The following TAF2 variants were observed in gnomAD, a reference collection of about 807,000 sequenced individuals.
The protein encoded by TAF2 is transcription initiation factor TFIID subunit 2.
Under a neutral mutation model 138.5 loss-of-function variants are expected in TAF2, and 61 were observed. That is an observed-to-expected ratio of 0.44 (90% CI 0.36 to 0.54). The LOEUF is 0.54. Among genes scored for constraint, TAF2 ranks in the 20% least tolerant of loss-of-function variants. The pLI is 0.00. For synonymous variants in TAF2, 475 were observed against 469.9 expected, an observed-to-expected ratio of 1.01 and a Z score of -0.14; for missense variants, 1,090 against 1,427.9, an observed-to-expected ratio of 0.76 and a Z score of 3.81.
chr8:119,831,934 G>C (rs1011165708), intron 1 of TAF2, among the ~76,000 whole-genome samples: 3 of 152,146 alleles, frequency 2.0e-5, no homozygotes, highest in Non-Finnish European at 4.4e-5. Context: ...GCCACGGCAA[G>C]CGGATCACGA....
chr8:119,752,377 G>A (rs1030616069), intron 22 of TAF2, among the ~76,000 whole-genome samples: 5 of 152,192 alleles, frequency 3.3e-5, no homozygotes, highest in African/African-American at 1.2e-4. Flanking sequence ...TTAAGGCTAA[G>A]TGGAGTTACT....
intron 25 of TAF2, among the ~76,000 whole-genome samples, chr8:119,732,846 AACATAACTCACTCAATT>A (rs756140641): frequency 5.9e-5 from 9 of 152,198 alleles, no homozygotes; most frequent in South Asian, 2.1e-4. Context: ...GGTCAATGAA[AACATAACTCACTCAATT>A]ACATAACTCA....
chr8:119,733,407 G>A (rs946911191), intron 25 of TAF2, among the ~76,000 whole-genome samples: 1 of 152,116 alleles, frequency 6.6e-6, no homozygotes, highest in African/African-American at 2.4e-5. Context: ...AACAGAATTA[G>A]AAGGCCCATA....
intron 6 of TAF2, among the ~76,000 whole-genome samples, chr8:119,801,313 A>G (rs987985668): frequency 6.6e-6 from 1 of 152,220 alleles, no homozygotes; most frequent in Non-Finnish European, 1.5e-5. Context: ...CAACATTTTG[A>G]AAGAAATTCA....
intron 11 of TAF2, 115 bp from the exon 12 acceptor site, chr8:119,789,861 C>T (rs1409308718): frequency 9.8e-7 from 1 of 1,019,848 alleles, no homozygotes. Context: ...AATAATTTCA[C>T]TATTTATTAC....
In TAF2 at chr8:119,804,080, G is replaced by GACAAAGAT. The variant is rs527711622; in HGVS notation, c.419-69_419-62dup. On this transcript the variant is annotated intron_variant, in intron 4 of 25. Coordinates refer to ENST00000378164, the MANE Select transcript of TAF2 (RefSeq NM_003184.4). The stretch of plus-strand genomic sequence containing the variant: ...AAGTTACAGTGGTCTATATAATAAA[G>GACAAAGAT]ACAAAGATTTAATGCTGAACATGAA... 7.8e-3 allele frequency: 12,396 copies of GACAAAGAT among 1,579,708 alleles called. 76 individuals carry two copies. The highest frequency in any genetic ancestry group is 0.025 in the Middle Eastern group (152 of 5,986).
chr8:119,798,502 C>T (rs1434002797), intron 6 of TAF2, among the ~76,000 whole-genome samples: 1 of 152,064 alleles, frequency 6.6e-6, no homozygotes, highest in Non-Finnish European at 1.5e-5. Flanking sequence ...CTAGAACAAC[C>T]GTGTAAGGTT....
chr8:119,755,642 T>C (rs909947813), intron 22 of TAF2, among the ~76,000 whole-genome samples: 1 of 152,176 alleles, frequency 6.6e-6, no homozygotes, highest in Non-Finnish European at 1.5e-5. Flanking sequence ...ACACAAGAAA[T>C]TGGTTACCCC....
At chr8:119,736,753 C>A (rs1819248599) in intron 25 of TAF2, among the ~76,000 whole-genome samples, 1 of 152,092 alleles carries the variant, frequency 6.6e-6, no homozygotes, top group Non-Finnish European at 1.5e-5. Flanking sequence ...TAGTGGTTAA[C>A]CTCAAAAAGA....
intron 18 of TAF2, among the ~76,000 whole-genome samples, chr8:119,772,530 A>G (rs990159304): frequency 6.6e-6 from 1 of 152,232 alleles, no homozygotes; most frequent in East Asian, 1.9e-4. Context: ...TGGGTACACT[A>G]GAAGTCCAAA....
intron 22 of TAF2, among the ~76,000 whole-genome samples, chr8:119,751,356 C>T (rs1317329649): frequency 6.6e-6 from 1 of 152,162 alleles, no homozygotes; most frequent in East Asian, 1.9e-4. Context: ...CATTTAGATC[C>T]TAATCTATCT....
In TAF2 at chr8:119,804,785, A is replaced by C. The variant is rs552339965; in HGVS notation, c.419-766T>G. 2.0e-3 allele frequency among the ~76,000 whole-genome samples: 303 copies of C among 152,240 alleles called. 2 individuals are homozygous for C. The highest frequency in any genetic ancestry group is 6.0e-3 in the African/African-American group (249 of 41,548). ...TTTCTCTTATTATATTATCCCACAA[A>C]CTTAACCCTGGGTGACTTTGGGGAG... is the stretch of plus-strand genomic sequence containing the variant. On this transcript the variant is annotated intron_variant, in intron 4 of 25. Transcript: ENST00000378164.
intron 22 of TAF2, among the ~76,000 whole-genome samples, chr8:119,747,882 G>A (rs1015566998): frequency 6.6e-6 from 1 of 152,168 alleles, no homozygotes; most frequent in African/African-American, 2.4e-5. Flanking sequence ...CCAGCACTCT[G>A]GGAGGCCGGG....
At chr8:119,794,521 A>T (rs756490359) in intron 9 of TAF2, among the ~76,000 whole-genome samples, 6 of 152,216 alleles carry the variant, frequency 3.9e-5, no homozygotes, top group Non-Finnish European at 8.8e-5. Flanking sequence ...AGAAACTAAA[A>T]GCCAAGCTGG....
At chr8:119,799,209 G>A (rs566253528) in intron 6 of TAF2, among the ~76,000 whole-genome samples, 4 of 152,080 alleles carry the variant, frequency 2.6e-5, no homozygotes, top group African/African-American at 7.2e-5. Context: ...TGCGTACAAT[G>A]TGCAGGTTAA....
chr8:119,781,028 G>A (rs563076059), intron 17 of TAF2, 25 bp downstream of exon 17: 2 of 1,603,226 alleles, frequency 1.2e-6, no homozygotes, highest in African/African-American at 1.3e-5. Flanking sequence ...TAAAAACCAT[G>A]AGAAAATTAG....
chr8:119,787,381 A>AAAAC (rs559704462), intron 14 of TAF2, among the ~76,000 whole-genome samples: 1 of 151,908 alleles, frequency 6.6e-6, no homozygotes, highest in Non-Finnish European at 1.5e-5. Context: ...AACAAAAACA[A>AAAAC]AAACAAACAA....
chr8:119,798,802 G>C (rs1418928356), intron 6 of TAF2, among the ~76,000 whole-genome samples: 3 of 152,016 alleles, frequency 2.0e-5, no homozygotes, highest in African/African-American at 7.2e-5. Context: ...ACAGATTAGA[G>C]GCTACCATAA....
In TAF2 at chr8:119,744,370, C is replaced by T; in HGVS notation, c.3132G>A (p.Glu1044=). The change falls in exon 24 of 26, where the codon GAG becomes GAA. Residue 1044 remains glutamate (E), a synonymous_variant. Transcript: ENST00000378164. The part of the protein sequence containing the change: ...QNPFSSSQDE[E]EIDMDTVHDS... ...CATGAACAGTATCCATATCAATCTCCTCCTCATCTTGAGAACTGGAAAACT... is the reference window on the plus strand; with the variant it reads ...CATGAACAGTATCCATATCAATCTCTTCCTCATCTTGAGAACTGGAAAACT... 3.7e-6 allele frequency: 6 copies of T among 1,613,606 alleles called. No individual in the cohort carries two copies. Among genetic ancestry groups the T allele is most frequent in the Non-Finnish European group, 5.1e-6 (6 of 1,179,886 alleles).
Sources: gnomAD v4.1 joint callset for allele counts (sites outside exome capture counted in the v4.1 genomes callset) on GRCh38, gnomAD v4.1.1 for gene constraint, MANE v1.5 for transcripts, NCBI Gene and HGNC (gene_info 2026-07-23, HGNC 2026-07-21) for gene names.